Variants in FRMD3 observed in about 807,000 individuals in gnomAD.
The protein encoded by FRMD3 is FERM domain containing 3.
FRMD3 carries 33 observed loss-of-function variants against 70.2 expected under a neutral mutation model. That is an observed-to-expected ratio of 0.47 (90% CI 0.36 to 0.63). The LOEUF (loss-of-function observed/expected upper bound fraction) is 0.63, where lower values mean the gene tolerates loss of function less well. Ranked by LOEUF, FRMD3 falls within the 20% of genes least tolerant of loss-of-function variation. The pLI is 0.00. For missense variants in FRMD3, 632 were observed against 711.4 expected, an observed-to-expected ratio of 0.89 and a Z score of 1.27; for synonymous variants, 279 against 255.9, an observed-to-expected ratio of 1.09 and a Z score of -0.86.
rs138548049 is a variant in FRMD3, at chr9:83,408,805, G to A, written c.148-19097C>T. On this transcript the variant is annotated intron_variant, in intron 1 of 13. Coordinates refer to ENST00000304195, the MANE Select transcript of FRMD3 (RefSeq NM_174938.6). ...TTAAGCTGCTACCACAGGCACCCTC[G>A]GACACAATCCATGCAGAAACACGTG... 4.8e-3 allele frequency among the ~76,000 whole-genome samples: 728 copies of A among 152,150 alleles called. 9 individuals carry two copies. The highest frequency in any genetic ancestry group is 0.017 in the African/African-American group (696 of 41,490).
At chr9:83,396,353 T>C (rs953563476) in intron 1 of FRMD3, among the ~76,000 whole-genome samples, 7 of 152,352 alleles carry the variant, frequency 4.6e-5, no homozygotes, top group Admixed American at 6.5e-5. Context: ...ATAGACTTCA[T>C]TGGTTAACTG....
chr9:83,460,704 G>A (rs1472637373), intron 1 of FRMD3, among the ~76,000 whole-genome samples: 1 of 152,044 alleles, frequency 6.6e-6, no homozygotes, highest in Non-Finnish European at 1.5e-5. Flanking sequence ...ATACCAAAAA[G>A]GTACATTCAG....
chr9:83,259,789 T>C lies in FRMD3; in HGVS notation c.1196-11273A>G, dbSNP rs568815842. Among the ~76,000 whole-genome samples the C allele has an allele frequency of 4.6e-5, 7 of 152,296 alleles. No individual in the cohort carries two copies. The East Asian group carries it at 1.3e-3, about 29-fold the overall frequency. On this transcript the variant is annotated intron_variant, in intron 13 of 13. Coordinates refer to ENST00000304195, the MANE Select transcript of FRMD3 (RefSeq NM_174938.6). ...TGTTACTAACCAGACCCATTCCTCCTGAGGTGGGCTAAACTGAGTGATCTA... is the reference window on the plus strand; with the variant it reads ...TGTTACTAACCAGACCCATTCCTCCCGAGGTGGGCTAAACTGAGTGATCTA...
At chr9:83,264,043 C>A (rs1275883975) in intron 13 of FRMD3, among the ~76,000 whole-genome samples, 8 of 152,126 alleles carry the variant, frequency 5.3e-5, no homozygotes, top group Non-Finnish European at 8.8e-5. Context: ...ATCCAACACA[C>A]TTTCAAAAAA....
chr9:83,377,658 T>C (rs1335100979), intron 2 of FRMD3, among the ~76,000 whole-genome samples: 4 of 152,210 alleles, frequency 2.6e-5, no homozygotes, highest in African/African-American at 9.6e-5. Context: ...GTGTGAGATG[T>C]CTGCTTGCCC....
chr9:83,317,073 A>G (rs535649481), intron 6 of FRMD3, among the ~76,000 whole-genome samples: 126 of 152,150 alleles, frequency 8.3e-4, no homozygotes, highest in Non-Finnish European at 1.4e-3. Context: ...GATATTGTGC[A>G]CTATGATCGT....
At chr9:83,585,347 C>A in the FRMD3 span, among the ~76,000 whole-genome samples, 2 of 152,202 alleles carry the variant, frequency 1.3e-5, no homozygotes, top group African/African-American at 4.8e-5. Context: ...TTGGAAGAAA[C>A]TCTATATATA....
chr9:83,542,671 AG>A (rs1330651063), upstream of FRMD3, among the ~76,000 whole-genome samples: 2 of 152,232 alleles, frequency 1.3e-5, no homozygotes, highest in African/African-American at 4.8e-5. Context: ...AAACAAACTC[AG>A]ATGACTGATA....
At chr9:83,428,653 C>T (rs1429484460) in intron 1 of FRMD3, among the ~76,000 whole-genome samples, 3 of 152,056 alleles carry the variant, frequency 2.0e-5, no homozygotes, top group Non-Finnish European at 2.9e-5. Context: ...GTGTTCTTTA[C>T]ATATCTCTAA....
chr9:83,494,861 G>GTGTGTGTGTGTGTGTGTGTT (rs1564103848), intron 1 of FRMD3, among the ~76,000 whole-genome samples: 1 of 114,924 alleles, frequency 8.7e-6, no homozygotes, highest in South Asian at 3.0e-4. Flanking sequence ...GTGTGTGTGC[G>GTGTGTGTGTGTGTGTGTGTT]CGCGCGCATG....
chr9:83,531,786 T>C (rs1261946273), intron 1 of FRMD3, among the ~76,000 whole-genome samples: 2 of 152,336 alleles, frequency 1.3e-5, no homozygotes, highest in South Asian at 2.1e-4. Flanking sequence ...ATTAGAATAG[T>C]ACTCTGTATT....
At chr9:83,513,513 A>G (rs1325957895) in intron 1 of FRMD3, among the ~76,000 whole-genome samples, 1 of 152,266 alleles carries the variant, frequency 6.6e-6, no homozygotes, top group Non-Finnish European at 1.5e-5. Flanking sequence ...TGGTTAACTT[A>G]TCAATAATTA....
intron 1 of FRMD3, among the ~76,000 whole-genome samples, chr9:83,460,634 AT>A (rs76452256): frequency 0.16 from 24,274 of 152,094 alleles, 1,972 homozygotes; most frequent in East Asian, 0.2. Flanking sequence ...ATTTTGTCTC[AT>A]TTTAACTTAA....
At chr9:83,558,185 C>A in the FRMD3 span, among the ~76,000 whole-genome samples, 113 of 152,190 alleles carry the variant, frequency 7.4e-4, no homozygotes, top group Non-Finnish European at 1.0e-3. Flanking sequence ...AGTAGCTTAA[C>A]TAACATTTTT....
chr9:83,419,986 T>C (rs1826584136), intron 1 of FRMD3, among the ~76,000 whole-genome samples: 1 of 152,190 alleles, frequency 6.6e-6, no homozygotes, highest in Non-Finnish European at 1.5e-5. Flanking sequence ...AAACCTTGCA[T>C]GTTGCCTGGA....
intron 1 of FRMD3, among the ~76,000 whole-genome samples, chr9:83,447,599 G>A (rs560063824): frequency 1.2e-4 from 18 of 152,296 alleles, no homozygotes; most frequent in Non-Finnish European, 1.8e-4. Flanking sequence ...GCAGCGACCC[G>A]GCCACCGATG....
intron 3 of FRMD3, among the ~76,000 whole-genome samples, chr9:83,360,837 G>A (rs11140052): frequency 0.1 from 15,252 of 152,106 alleles, 787 homozygotes; most frequent in East Asian, 0.15. Context: ...TAAAATTAAG[G>A]GTTTTTGTCA....
intron 1 of FRMD3, among the ~76,000 whole-genome samples, chr9:83,490,901 AT>A (rs1828809799): frequency 6.6e-6 from 1 of 152,022 alleles, no homozygotes; most frequent in South Asian, 2.1e-4. Flanking sequence ...GGAAAATCAA[AT>A]ATTTTAATCC....
At chr9:83,416,745 G>GTCTGTCTCTCTCTCTCTC (rs1826454857) in intron 1 of FRMD3, among the ~76,000 whole-genome samples, 1 of 102,232 alleles carries the variant, frequency 9.8e-6, no homozygotes, top group Non-Finnish European at 1.9e-5. Flanking sequence ...ATTTCTCTCT[G>GTCTGTCTCTCTCTCTCTC]TCTCTCTCTC....
Sources: gnomAD v4.1 joint callset for allele counts (sites outside exome capture counted in the v4.1 genomes callset) on GRCh38, gnomAD v4.1.1 for gene constraint, MANE v1.5 for transcripts, NCBI Gene and HGNC (gene_info 2026-07-23, HGNC 2026-07-21) for gene names.